Variants in OR1J2 observed in about 807,000 individuals in gnomAD.
OR1J2 encodes olfactory receptor family 1 subfamily J member 2, also known as olfactory receptor 1J2.
For missense variants in OR1J2, 304 were observed against 246.1 expected (o/e 1.24, Z -1.57); for synonymous variants, 142 against 99.7 (o/e 1.42, Z -2.52).
At chr9:122,450,473 A>G in the OR1J2 span, among the ~76,000 whole-genome samples, 8 of 152,196 alleles carry the variant, frequency 5.3e-5, no homozygotes, top group Non-Finnish European at 1.2e-4. Context: ...GTAATTGACA[A>G]ATAATAAACA....
the OR1J2 span, among the ~76,000 whole-genome samples, chr9:122,448,624 C>T: frequency 3.3e-5 from 5 of 152,110 alleles, no homozygotes; most frequent in Non-Finnish European, 4.4e-5. Flanking sequence ...GAGGTCCCTG[C>T]GGCTTTCTGC....
chr9:122,504,865 T>C, the OR1J2 span, among the ~76,000 whole-genome samples: 9 of 152,292 alleles, frequency 5.9e-5, no homozygotes, highest in African/African-American at 2.2e-4. Context: ...CCACTTGCCA[T>C]ACAATGGAGT....
the OR1J2 span, among the ~76,000 whole-genome samples, chr9:122,536,097 C>T: frequency 2.0e-5 from 3 of 152,122 alleles, no homozygotes; most frequent in Admixed American, 6.5e-5. Flanking sequence ...TGGATGTGTA[C>T]GTGCAGGTCA....
the OR1J2 span, among the ~76,000 whole-genome samples, chr9:122,482,664 A>G: frequency 1.3e-5 from 2 of 152,212 alleles, no homozygotes; most frequent in African/African-American, 4.8e-5. Flanking sequence ...TACACAATGG[A>G]ATACTATTAA....
downstream of OR1J2, among the ~76,000 whole-genome samples, chr9:122,512,807 T>A (rs538768045): frequency 1.7e-3 from 253 of 152,340 alleles, 1 homozygote; most frequent in Non-Finnish European, 3.2e-3. Context: ...TTAAGCCTCG[T>A]GGAATTTCAG....
chr9:122,532,623 G>C, the OR1J2 span, among the ~76,000 whole-genome samples: 1 of 147,558 alleles, frequency 6.8e-6, no homozygotes, highest in Non-Finnish European at 1.5e-5. Context: ...TCAGGTGTGA[G>C]GAAGAAAATA....
the OR1J2 span, among the ~76,000 whole-genome samples, chr9:122,550,258 T>C: frequency 6.6e-6 from 1 of 151,970 alleles, no homozygotes; most frequent in Admixed American, 6.6e-5. Context: ...AATCATACAA[T>C]CTCCCAACAA....
chr9:122,561,423 G>C, the OR1J2 span, among the ~76,000 whole-genome samples: 2 of 152,144 alleles, frequency 1.3e-5, no homozygotes, highest in Non-Finnish European at 2.9e-5. Flanking sequence ...AGGCACTCTG[G>C]CCTTTTGGAT....
At chr9:122,512,452 G>T (rs1282386710), downstream of OR1J2, among the ~76,000 whole-genome samples, 1 of 152,198 alleles carries the variant, frequency 6.6e-6, no homozygotes, top group Non-Finnish European at 1.5e-5. Flanking sequence ...GCTGCCACAT[G>T]CAACAATGCT....
At chr9:122,459,544 C>G in the OR1J2 span, among the ~76,000 whole-genome samples, 1 of 152,142 alleles carries the variant, frequency 6.6e-6, no homozygotes, top group Non-Finnish European at 1.5e-5. Flanking sequence ...TTAGATGAAT[C>G]TTTCCCTTTT....
At chr9:122,568,091 G>A in the OR1J2 span, 1 of 1,614,062 alleles carries the variant, frequency 6.2e-7, no homozygotes, top group South Asian at 1.1e-5. Flanking sequence ...AGTGGAAAGG[G>A]TCACAGACGG....
chr9:122,554,172 T>G, the OR1J2 span: 1 of 1,588,066 alleles, frequency 6.3e-7, no homozygotes, highest in Non-Finnish European at 8.6e-7. Context: ...ATTAGACATC[T>G]AGACGGTGAT....
At chr9:122,529,455 A>T in the OR1J2 span, among the ~76,000 whole-genome samples, 1 of 152,146 alleles carries the variant, frequency 6.6e-6, no homozygotes, top group Non-Finnish European at 1.5e-5. Flanking sequence ...TAATCAGGCT[A>T]TTTCTATGGA....
chr9:122,491,818 A>C, the OR1J2 span, among the ~76,000 whole-genome samples: 3 of 152,092 alleles, frequency 2.0e-5, no homozygotes, highest in Non-Finnish European at 4.4e-5. Context: ...AAGACAGGCA[A>C]ATTGGTAAGA....
chr9:122,568,261 A>C, the OR1J2 span: 1 of 1,614,104 alleles, frequency 6.2e-7, no homozygotes. Flanking sequence ...GTTGTAAAGC[A>C]AATATCAGTG....
At chr9:122,470,206 T>A in the OR1J2 span, among the ~76,000 whole-genome samples, 4 of 152,152 alleles carry the variant, frequency 2.6e-5, no homozygotes, top group South Asian at 8.3e-4. Flanking sequence ...GAAAAATGGT[T>A]TTGTGGGCAG....
the OR1J2 span, chr9:122,477,463 C>G: frequency 6.2e-7 from 1 of 1,614,086 alleles, no homozygotes; most frequent in Non-Finnish European, 8.5e-7. Flanking sequence ...CAAAAGAGCA[C>G]ACGCACAAGC....
At chr9:122,510,664 A>G, upstream of OR1J2, 1 of 567,524 alleles carries the variant, frequency 1.8e-6, no homozygotes, top group South Asian at 3.2e-5. Context: ...CAGACCCCCG[A>G]TAGGCCCCAG....
chr9:122,457,105 A>C, the OR1J2 span, among the ~76,000 whole-genome samples: 1 of 152,202 alleles, frequency 6.6e-6, no homozygotes, highest in Non-Finnish European at 1.5e-5. Flanking sequence ...AATCTTCAGC[A>C]AACTAACACA....
Sources: gnomAD v4.1 joint callset for allele counts (sites outside exome capture counted in the v4.1 genomes callset) on GRCh38, gnomAD v4.1.1 for gene constraint, MANE v1.5 for transcripts, NCBI Gene and HGNC (gene_info 2026-07-23, HGNC 2026-07-21) for gene names.